The following HTR1F variants were observed in gnomAD, a reference collection of about 807,000 sequenced individuals.
HTR1F encodes the protein 5-hydroxytryptamine (serotonin) receptor 1F, G protein-coupled.
Under a neutral mutation model 24.0 loss-of-function variants are expected in HTR1F, and 17 were observed. The observed-to-expected ratio is 0.71, with a 90% CI of 0.48 to 1.06. The LOEUF is 1.06. HTR1F is among the 50% of genes least tolerant of loss of function. HTR1F has a pLI of 0.00. For missense variants in HTR1F, 391 were observed against 427.8 expected (o/e 0.91, Z 0.76); for synonymous variants, 186 against 156.8 (o/e 1.19, Z -1.39).
chr3:87,935,561 A>G (rs1419491154), intron 2 of HTR1F, among the ~76,000 whole-genome samples: 1 of 152,190 alleles, frequency 6.6e-6, no homozygotes, highest in Admixed American at 6.5e-5. Context: ...TGAAAGACCT[A>G]CCTCCAAAAT....
chr3:87,964,239 C>T (rs578024140), intron 2 of HTR1F, among the ~76,000 whole-genome samples: 1 of 152,084 alleles, frequency 6.6e-6, no homozygotes, highest in Non-Finnish European at 1.5e-5. Context: ...ATATATTCCT[C>T]ACCCTTAATC....
chr3:87,957,649 A>T (rs1704973657), intron 2 of HTR1F, among the ~76,000 whole-genome samples: 1 of 151,328 alleles, frequency 6.6e-6, no homozygotes, highest in South Asian at 2.1e-4. Flanking sequence ...TCTTTCAAGG[A>T]ATTTGTCCAT....
chr3:87,844,283 G>T (rs1366364511), intron 2 of HTR1F, among the ~76,000 whole-genome samples: 1 of 151,068 alleles, frequency 6.6e-6, no homozygotes, highest in Non-Finnish European at 1.5e-5. Context: ...GGCCAGTGAT[G>T]GTGAGCATTT....
chr3:87,840,077 T>G (rs552565643), intron 2 of HTR1F, among the ~76,000 whole-genome samples: 2 of 152,294 alleles, frequency 1.3e-5, no homozygotes, highest in South Asian at 4.1e-4. Flanking sequence ...GATGAATAAA[T>G]GGGTGCATAT....
intron 2 of HTR1F, among the ~76,000 whole-genome samples, chr3:87,912,713 A>T (rs550934591): frequency 9.2e-5 from 14 of 151,988 alleles, no homozygotes; most frequent in Non-Finnish European, 2.1e-4. Context: ...CAGTAACAAA[A>T]CAGCATGGTA....
intron 2 of HTR1F, among the ~76,000 whole-genome samples, chr3:87,968,095 T>G (rs1164808544): frequency 1.3e-5 from 2 of 152,194 alleles, no homozygotes; most frequent in Non-Finnish European, 2.9e-5. Context: ...TGTTGGAAGC[T>G]GGAATACAGG....
chr3:87,905,094 C>T (rs575634639), intron 2 of HTR1F, among the ~76,000 whole-genome samples: 41 of 151,808 alleles, frequency 2.7e-4, no homozygotes, highest in African/African-American at 6.5e-4. Flanking sequence ...GATAGCTTGA[C>T]GCCAGGAGTT....
chr3:87,860,321 T>C (rs1055889409), intron 2 of HTR1F, among the ~76,000 whole-genome samples: 1 of 152,192 alleles, frequency 6.6e-6, no homozygotes, highest in African/African-American at 2.4e-5. Context: ...TGTAAACACA[T>C]TGTACCATGA....
rs559169322 is a variant in HTR1F at position 87,887,796 on chromosome 3, C to A, written c.-43+65672C>A. On this transcript the variant is annotated intron_variant, in intron 2 of 2. Coordinates refer to ENST00000319595, the MANE Select transcript of HTR1F (RefSeq NM_001322209.2). ...TACCATCTCACACCAGTTAGAACGG[C>A]GATCATTAAAAAGTCAGGAAACAAC... Among the ~76,000 whole-genome samples, 7 of 152,208 alleles carry A rather than the reference C, an allele frequency of 4.6e-5. No individual in the cohort carries two copies. In the East Asian group the frequency reaches 1.2e-3, roughly 25 times the overall value.
intron 2 of HTR1F, among the ~76,000 whole-genome samples, chr3:87,951,631 C>A (rs1449698401): frequency 6.6e-6 from 1 of 152,050 alleles, no homozygotes; most frequent in Non-Finnish European, 1.5e-5. Flanking sequence ...ATATTTGCTA[C>A]AACTGATGAA....
intron 2 of HTR1F, among the ~76,000 whole-genome samples, chr3:87,851,970 A>G (rs1480624799): frequency 3.3e-5 from 5 of 149,748 alleles, no homozygotes; most frequent in Non-Finnish European, 6.0e-5. Flanking sequence ...TCCAAGCCAA[A>G]AAAAAAAAAA....
intron 2 of HTR1F, among the ~76,000 whole-genome samples, chr3:87,957,640 C>A (rs955986031): frequency 6.6e-6 from 1 of 151,290 alleles, no homozygotes; most frequent in Non-Finnish European, 1.5e-5. Context: ...TACTTTGCAT[C>A]TTTCAAGGAA....
chr3:87,862,767 G>T (rs1241798045), intron 2 of HTR1F, among the ~76,000 whole-genome samples: 1 of 151,502 alleles, frequency 6.6e-6, no homozygotes, highest in Non-Finnish European at 1.5e-5. Flanking sequence ...TTCTATTTTT[G>T]ACTTCTGATG....
At chr3:87,905,964 G>C (rs1474300310) in intron 2 of HTR1F, among the ~76,000 whole-genome samples, 1 of 152,046 alleles carries the variant, frequency 6.6e-6, no homozygotes, top group African/African-American at 2.4e-5. Flanking sequence ...CAGGAAAAAA[G>C]GGGGACTTTA....
At chr3:87,941,454 C>G (rs112256474) in intron 2 of HTR1F, among the ~76,000 whole-genome samples, 1 of 152,090 alleles carries the variant, frequency 6.6e-6, no homozygotes, top group Non-Finnish European at 1.5e-5. Flanking sequence ...AACCTTGTAG[C>G]CACAGGTAGA....
chr3:87,843,899 C>T (rs201516357), intron 2 of HTR1F, among the ~76,000 whole-genome samples: 47 of 151,558 alleles, frequency 3.1e-4, no homozygotes, highest in South Asian at 1.0e-3. Context: ...GGTGTATATG[C>T]GCCACATTTT....
At chr3:87,809,541 T>A (rs1704127249) in intron 1 of HTR1F, among the ~76,000 whole-genome samples, 1 of 152,046 alleles carries the variant, frequency 6.6e-6, no homozygotes, top group East Asian at 1.9e-4. Flanking sequence ...GCATTTAATT[T>A]GTGATAAGTT....
At chr3:87,807,417 A>G (rs1447536275) in intron 1 of HTR1F, among the ~76,000 whole-genome samples, 3 of 151,846 alleles carry the variant, frequency 2.0e-5, no homozygotes, top group Non-Finnish European at 2.9e-5. Context: ...ATTTATTAGT[A>G]CATTAATTAG....
intron 2 of HTR1F, among the ~76,000 whole-genome samples, chr3:87,946,872 G>T (rs551585141): frequency 1.3e-5 from 2 of 152,012 alleles, no homozygotes; most frequent in East Asian, 1.9e-4. Flanking sequence ...TGATCTGCCC[G>T]CCTTAGCCTC....
Sources: allele counts gnomAD v4.1 joint callset (sites outside exome capture counted in the v4.1 genomes callset), GRCh38; gene constraint gnomAD v4.1.1; transcripts MANE v1.5; gene names NCBI Gene and HGNC (gene_info 2026-07-23, HGNC 2026-07-21).